The following DOP1B variants were observed in gnomAD, a reference collection of about 807,000 sequenced individuals.
DOP1B encodes the protein protein DOP1B.
In DOP1B, 174 loss-of-function variants were observed where a neutral mutation model predicts 233.5. That is an observed-to-expected ratio of 0.75 (90% CI 0.66 to 0.85). The LOEUF (loss-of-function observed/expected upper bound fraction) is 0.85, where lower values mean the gene tolerates loss of function less well. DOP1B is among the 40% of genes least tolerant of loss of function. The probability of loss-of-function intolerance (pLI) is 0.00; values close to 1 mark genes in which losing one functional copy is unlikely to be tolerated. For missense variants in DOP1B, 2,652 were observed against 2,846.6 expected (o/e 0.93, Z 1.56); for synonymous variants, 1,190 against 1,185.6 (o/e 1.00, Z -0.08).
chr21:36,230,362 A>G (rs180857638), intron 13 of DOP1B, 88 bp from the exon 14 acceptor site: 18,622 of 1,433,668 alleles, frequency 0.013, 143 homozygotes, highest in Non-Finnish European at 0.015. Flanking sequence ...TTTGAAAAAC[A>G]GAATTGAAAT....
In DOP1B at chr21:36,212,020, G is replaced by T. The variant is rs372156556; in HGVS notation, c.827G>T (p.Arg276Leu). The T allele has an allele frequency of 6.2e-7, 1 of 1,613,894 alleles. No homozygotes were observed. Among genetic ancestry groups the T allele is most frequent in the Non-Finnish European group, 8.5e-7 (1 of 1,179,952 alleles). The change falls in exon 7 of 37, where the codon CGC becomes CTC. Residue 276 changes from arginine to leucine, a missense_variant. Arg to Leu is a moderately radical substitution (Grantham distance 102). Around this residue, in one of 3 missense-constraint regions of DOP1B, gnomAD observed 2,617 missense variants for 2,794.3 expected, o/e 0.94. Transcript: ENST00000691173. ...AIPLLRSDIV[R>L]ILSAATQTLL... ...CCCCTCCTCAGATCTGACATCGTGC[G>T]CATTCTCTCAGCCGCCACCCAGACC...
chr21:36,285,845 A>G (rs2067476284), intron 32 of DOP1B, among the ~76,000 whole-genome samples: 1 of 151,942 alleles, frequency 6.6e-6, no homozygotes. Context: ...CACCTCTACT[A>G]AAAATACAAA....
Position 36,232,793 on chromosome 21 carries a change from C to T in DOP1B, c.2351-11C>T. 6.2e-7 allele frequency: 1 copy of T among 1,611,866 alleles called. No individual in the cohort carries two copies. The highest frequency in any genetic ancestry group is 1.3e-5 in the African/African-American group (1 of 74,894). ...TGCTTGTTTCTGCCTCTCCGGCTGG[C>T]TTCCTTTCAGGAGCCGGTGATTCCA... On this transcript the variant is annotated splice_polypyrimidine_tract_variant and intron_variant, in intron 14 of 36. Transcript: ENST00000691173.
chr21:36,193,428 C>A lies in DOP1B; in HGVS notation c.139-5642C>A, dbSNP rs147496769. ...TTCTTGGTGCCTCTGGGAGACATTC[C>A]TTCCCTCTGGGTATAGGGCAGGACG... On this transcript the variant is annotated intron_variant, in intron 2 of 36. Coordinates refer to ENST00000691173, the MANE Select transcript of DOP1B (RefSeq NM_001320714.2). Among the ~76,000 whole-genome samples the A allele has an allele frequency of 2.8e-4, 42 of 152,214 alleles. No homozygotes were observed. The East Asian group carries it at 5.0e-3, about 18-fold the overall frequency.
chr21:36,202,706 AAGG>A (rs1454156863), intron 4 of DOP1B, among the ~76,000 whole-genome samples: 3 of 152,140 alleles, frequency 2.0e-5, no homozygotes, highest in African/African-American at 7.2e-5. Context: ...CCATTTCCCA[AAGG>A]AGAATCCACC....
At chr21:36,171,999 T>G (rs2065975250) in intron 2 of DOP1B, among the ~76,000 whole-genome samples, 1 of 150,144 alleles carries the variant, frequency 6.7e-6, no homozygotes, top group African/African-American at 2.5e-5. Context: ...GAGGAGGGAG[T>G]GCTATTTTAG....
intron 4 of DOP1B, among the ~76,000 whole-genome samples, chr21:36,206,544 A>AT (rs1555889360): frequency 6.6e-6 from 1 of 151,878 alleles, no homozygotes; most frequent in African/African-American, 2.4e-5. Context: ...AAAAAAAAAA[A>AT]ATTATTTCTT....
chr21:36,156,975 A>G (rs1392473335), intron 1 of DOP1B, 32 bp downstream of exon 1: 2 of 152,192 alleles, frequency 1.3e-5, no homozygotes, highest in Non-Finnish European at 2.9e-5. Context: ...TCCGGCGTCC[A>G]GTCCTCAGCC....
At chr21:36,286,640 AC>A (rs1308659714) in intron 32 of DOP1B, among the ~76,000 whole-genome samples, 4 of 3,418 alleles carry the variant, frequency 1.2e-3, no homozygotes, top group African/African-American at 4.7e-3. Flanking sequence ...CATCTCAAAA[AC>A]ACACACACAC....
In DOP1B at chr21:36,253,648, A is replaced by AAC; in HGVS notation, c.5122-123_5122-122insCA. 31 of 1,205,836 alleles carry AAC rather than the reference A, an allele frequency of 2.6e-5. 1 individual carries two copies. The highest frequency in any genetic ancestry group is 2.8e-5 in the Non-Finnish European group (25 of 888,910). The allele number at this position is 1,205,836 out of a possible 1,614,324, so 74.7% of individuals were successfully genotyped here. On this transcript the variant is annotated intron_variant, in intron 22 of 36. Transcript: ENST00000691173. ...GTGAGACCGTGTTTCAAAAAAAAAAAAAAAGAGATGAAAACAGATTGATTT... is the reference window on the plus strand; with the variant it reads ...GTGAGACCGTGTTTCAAAAAAAAAAAACAAAAGAGATGAAAACAGATTGATTT...
Position 36,263,530 on chromosome 21 carries a change from T to C in DOP1B, c.5316-16T>C, listed in dbSNP as rs1569059578. The C allele has an allele frequency of 6.2e-7, 1 of 1,607,108 alleles. No individual in the cohort carries two copies. On this transcript the variant is annotated splice_polypyrimidine_tract_variant and intron_variant, in intron 24 of 36. Coordinates refer to ENST00000691173, the MANE Select transcript of DOP1B (RefSeq NM_001320714.2). ...TGTTCGTGGTTGAGTATTTTTCCTA[T>C]CTTTTAAAAAAACAGGCTCCCAGTA...
At position 36,225,601 on chromosome 21, in the gene DOP1B, C is replaced by T; in HGVS notation, c.1407C>T (p.Val469=). ...AGCGTTACAGCGTGAGGAACAGCGTCAGCCCTCCCCCCACGGTCTCGGAGC... is the reference window on the plus strand; with the variant it reads ...AGCGTTACAGCGTGAGGAACAGCGTTAGCCCTCCCCCCACGGTCTCGGAGC... ...VKQRYSVRNS[V]SPPPTVSELC... The change falls in exon 12 of 37, where the codon GTC becomes GTT. Residue 469 remains valine, a synonymous_variant. Transcript: ENST00000691173. The T allele has an allele frequency of 6.2e-7, 1 of 1,614,162 alleles. No individual in the cohort carries two copies.
intron 9 of DOP1B, among the ~76,000 whole-genome samples, chr21:36,217,600 G>A (rs565616813): frequency 4.0e-4 from 61 of 152,278 alleles, no homozygotes; most frequent in Non-Finnish European, 8.2e-4. Context: ...GAGTTGTGCA[G>A]CTCTCGTCAT....
At position 36,293,576 on chromosome 21, in the gene DOP1B, G is replaced by C. The variant is rs1223516327; in HGVS notation, c.*5G>C. ...CTGGAACATCCAGAATGTTAACCAT[G>C]TGAGAGAGAATATGTTTAATCCATG... is the stretch of plus-strand genomic sequence containing the variant. On this transcript the variant is annotated 3_prime_UTR_variant, in exon 37 of 37. Transcript: ENST00000691173. 1 of 1,613,702 alleles carries C rather than the reference G, an allele frequency of 6.2e-7. No individual in the cohort carries two copies. The highest frequency in any genetic ancestry group is 1.7e-5 in the Admixed American group (1 of 59,982).
chr21:36,187,957 C>T (rs981867895), intron 2 of DOP1B, among the ~76,000 whole-genome samples: 1 of 152,016 alleles, frequency 6.6e-6, no homozygotes, highest in African/African-American at 2.4e-5. Flanking sequence ...TACACCCAGC[C>T]TTCAGTTCTA....
At chr21:36,235,866 G>GGT (rs946011261) in intron 15 of DOP1B, among the ~76,000 whole-genome samples, 4 of 147,808 alleles carry the variant, frequency 2.7e-5, no homozygotes, top group South Asian at 2.3e-4. Context: ...AGGAAGTCGG[G>GGT]GGGGGGGCGG....
chr21:36,238,512 A>G (rs766330473), intron 16 of DOP1B, 89 bp from the exon 17 acceptor site: 11 of 1,080,866 alleles, frequency 1.0e-5, no homozygotes, highest in Admixed American at 1.9e-5. Flanking sequence ...GAAGTCTTTG[A>G]TCTATTGTTT....
At chr21:36,255,038 C>T (rs1191716287) in intron 23 of DOP1B, among the ~76,000 whole-genome samples, 2 of 151,718 alleles carry the variant, frequency 1.3e-5, no homozygotes, top group Non-Finnish European at 2.9e-5. Flanking sequence ...CAACCTCCAC[C>T]TCCTGGGCTC....
At position 36,245,982 on chromosome 21, in the gene DOP1B, G is replaced by A. The variant is rs762012146; in HGVS notation, c.4002G>A (p.Ser1334=). 16 of 1,613,722 alleles carry A rather than the reference G, an allele frequency of 9.9e-6. No homozygotes were observed. Among genetic ancestry groups the A allele is most frequent in the Admixed American group, 1.7e-5 (1 of 59,974 alleles). Residue 1334 remains serine, a synonymous_variant, in exon 19 of 37, where the codon TCG becomes TCA. Transcript: ENST00000691173. This position sits in a 1 kb window ranked among gnomAD's most constrained non-coding sequence, Gnocchi z 5.5. ...RSYYPCYLKV[S]HRDILGNRDV... ...ACTACCCTTGCTATTTGAAGGTCTC[G>A]CACCGAGACATTCTCGGCAACCGGG...
Sources: gnomAD v4.1 joint callset for allele counts (sites outside exome capture counted in the v4.1 genomes callset) on GRCh38, gnomAD v4.1.1 for gene constraint, gnomAD v4.1.1 regional missense constraint, Gnocchi (gnomAD v3.1) non-coding constraint, MANE v1.5 for transcripts, NCBI Gene and HGNC (gene_info 2026-07-23, HGNC 2026-07-21) for gene names.